The following ASB13 variants were observed in gnomAD, a reference collection of about 807,000 sequenced individuals.
ASB13 encodes the protein ankyrin repeat and SOCS box protein 13.
In ASB13, 33 loss-of-function variants were observed where a neutral mutation model predicts 28.8. That is an observed-to-expected ratio of 1.15 (90% CI 0.87 to 1.53). The LOEUF (loss-of-function observed/expected upper bound fraction) is 1.53, where lower values mean the gene tolerates loss of function less well. ASB13 is among the 40% of genes most tolerant of loss of function. ASB13 has a pLI of 0.00. For missense variants in ASB13, 414 were observed against 390.1 expected (o/e 1.06, Z -0.52); for synonymous variants, 182 against 172.9 (o/e 1.05, Z -0.41).
chr10:5,666,063 G>A (rs1341831119), intron 1 of ASB13, among the ~76,000 whole-genome samples: 1 of 152,162 alleles, frequency 6.6e-6, no homozygotes, highest in East Asian at 1.9e-4. Context: ...CTCGGACACT[G>A]CGCCACGGCC....
intron 1 of ASB13, among the ~76,000 whole-genome samples, chr10:5,662,474 G>A (rs892269331): frequency 6.9e-6 from 1 of 145,812 alleles, no homozygotes; most frequent in Non-Finnish European, 1.5e-5. Context: ...AGACTGCAGT[G>A]AGCTGAGATC....
chr10:5,647,964 TAAACACCCACTCAGGC>T (rs781358340), intron 4 of ASB13, among the ~76,000 whole-genome samples: 1,053 of 101,490 alleles, frequency 0.01, 5 homozygotes, highest in African/African-American at 0.019. Context: ...ACTCTGCAGG[TAAACACCCACTCAGGC>T]AAACACCCAC....
rs892895018 is a variant in ASB13 at position 5,644,990 on chromosome 10, C to A, written c.518-3029G>T. 6.6e-6 allele frequency among the ~76,000 whole-genome samples: 1 copy of A among 151,970 alleles called. No homozygotes were observed. The highest frequency in any genetic ancestry group is 2.4e-5 in the African/African-American group (1 of 41,356). The stretch of plus-strand genomic sequence containing the variant: ...ACAGAGACACAGAGACAGAGAGAGA[C>A]AAAGACAGGGAGCCAGGAAACAAGC... On this transcript the variant is annotated intron_variant, in intron 4 of 5. Coordinates refer to ENST00000357700, the MANE Select transcript of ASB13 (RefSeq NM_024701.4). The surrounding 1 kb of genome is among the most constrained non-coding windows in gnomAD (Gnocchi z 5.1).
rs543273073 is a variant in ASB13 at position 5,656,904 on chromosome 10, C to G, written c.44-3854G>C. ...ATTAAGAACCCGAAACCTGTACTGA[C>G]TTAGACGGCACTTTAGACACTTATC... On this transcript the variant is annotated intron_variant, in intron 1 of 5. Coordinates refer to ENST00000357700, the MANE Select transcript of ASB13 (RefSeq NM_024701.4). This position sits in a 1 kb window ranked among gnomAD's most constrained non-coding sequence, Gnocchi z 4.3. Among the ~76,000 whole-genome samples, 1 of 152,336 alleles carries G rather than the reference C, an allele frequency of 6.6e-6. No individual in the cohort carries two copies. Among genetic ancestry groups the G allele is most frequent in the African/African-American group, 2.4e-5 (1 of 41,580 alleles).
At chr10:5,657,144 A>G (rs1835086690) in intron 1 of ASB13, among the ~76,000 whole-genome samples, 1 of 152,332 alleles carries the variant, frequency 6.6e-6, no homozygotes, top group Non-Finnish European at 1.5e-5. Flanking sequence ...CTGTAGTCTT[A>G]CTGCAGCAAT....
rs978447462 is a variant in ASB13 at position 5,642,834 on chromosome 10, G to A, written c.518-873C>T. 1.3e-5 allele frequency among the ~76,000 whole-genome samples: 2 copies of A among 151,998 alleles called. No homozygotes were observed. The highest frequency in any genetic ancestry group is 4.8e-5 in the African/African-American group (2 of 41,406). On this transcript the variant is annotated intron_variant, in intron 4 of 5. Coordinates refer to ENST00000357700, the MANE Select transcript of ASB13 (RefSeq NM_024701.4). The surrounding 1 kb of genome is among the most constrained non-coding windows in gnomAD (Gnocchi z 4.1). Reference sequence around the variant, plus strand: ...TAATTTTTCTATTTTTTGTAGAGACGGGGTTTTGCCGTGTTGGCCAGGTTG... The same window carrying A: ...TAATTTTTCTATTTTTTGTAGAGACAGGGTTTTGCCGTGTTGGCCAGGTTG...
In ASB13 at chr10:5,641,706, C is replaced by T. The variant is rs1459284709; in HGVS notation, c.709+64G>A. On this transcript the variant is annotated intron_variant, in intron 5 of 5. Transcript: ENST00000357700. The surrounding 1 kb of genome is among the most constrained non-coding windows in gnomAD (Gnocchi z 8.4). Reference sequence around the variant, plus strand: ...CTCTCCGCGGAAGCCCACAGGGAGCCGGCACGTCAGGGGTCCAGGCTGAAG... The same window carrying T: ...CTCTCCGCGGAAGCCCACAGGGAGCTGGCACGTCAGGGGTCCAGGCTGAAG... The T allele has an allele frequency of 1.5e-5, 22 of 1,488,956 alleles. No individual in the cohort carries two copies. The highest frequency in any genetic ancestry group is 5.6e-5 in the African/African-American group (4 of 71,896). 92.2% of individuals were successfully genotyped at this position (1,488,956 alleles called of 1,614,324 possible).
intron 1 of ASB13, among the ~76,000 whole-genome samples, chr10:5,665,321 ACAT>A (rs1835241857): frequency 6.6e-6 from 1 of 152,246 alleles, no homozygotes; most frequent in South Asian, 2.1e-4. Flanking sequence ...GGAATAAAAA[ACAT>A]CAGCAGAACT....
Position 5,659,176 on chromosome 10 carries a change from C to T in ASB13, c.44-6126G>A, listed in dbSNP as rs561242789. 6.6e-6 allele frequency among the ~76,000 whole-genome samples: 1 copy of T among 151,940 alleles called. No individual in the cohort carries two copies. Among genetic ancestry groups the T allele is most frequent in the South Asian group, 2.1e-4 (1 of 4,828 alleles). The stretch of plus-strand genomic sequence containing the variant: ...CCAGGCTCCCTGTGGTGGCAAGACG[C>T]CCCCCCTCCCCAATCCCTGCACCCT... On this transcript the variant is annotated intron_variant, in intron 1 of 5. Coordinates refer to ENST00000357700, the MANE Select transcript of ASB13 (RefSeq NM_024701.4). This position sits in a 1 kb window ranked among gnomAD's most constrained non-coding sequence, Gnocchi z 5.8.
chr10:5,655,263 A>G lies in ASB13; in HGVS notation c.44-2213T>C, dbSNP rs571530339. On this transcript the variant is annotated intron_variant, in intron 1 of 5. Coordinates refer to ENST00000357700, the MANE Select transcript of ASB13 (RefSeq NM_024701.4). The surrounding 1 kb of genome is among the most constrained non-coding windows in gnomAD (Gnocchi z 6.2). ...GGGTTAAGAGTTCCCTGGAGCCACA[A>G]CTGCTCAGAACTGCTTGGTGGAAAC... 8.5e-4 allele frequency among the ~76,000 whole-genome samples: 129 copies of G among 152,264 alleles called. 1 individual carries two copies. Among genetic ancestry groups the G allele is most frequent in the African/African-American group, 3.0e-3 (124 of 41,542 alleles).
At position 5,644,303 on chromosome 10, in the gene ASB13, G is replaced by A. The variant is rs1051274859; in HGVS notation, c.518-2342C>T. Among the ~76,000 whole-genome samples, 3 of 152,160 alleles carry A rather than the reference G, an allele frequency of 2.0e-5. No homozygotes were observed. The highest frequency in any genetic ancestry group is 4.4e-5 in the Non-Finnish European group (3 of 68,046). On this transcript the variant is annotated intron_variant, in intron 4 of 5. Transcript: ENST00000357700. The surrounding 1 kb of genome is among the most constrained non-coding windows in gnomAD (Gnocchi z 5.1). ...GGGCCCAGGAAATCGAGACCAGCCT[G>A]CGCAACATAGTGAGACCCTAGCTCT...
At chr10:5,647,251 G>GC (rs1262634202) in intron 4 of ASB13, among the ~76,000 whole-genome samples, 2 of 152,158 alleles carry the variant, frequency 1.3e-5, no homozygotes, top group African/African-American at 4.8e-5. Flanking sequence ...GAGCCACAGT[G>GC]CCCAGCCATC....
At position 5,650,946 on chromosome 10, in the gene ASB13, G is replaced by A. The variant is rs1351275342; in HGVS notation, c.382+267C>T. Among the ~76,000 whole-genome samples the A allele has an allele frequency of 6.6e-6, 1 of 152,192 alleles. No individual in the cohort carries two copies. Among genetic ancestry groups the A allele is most frequent in the Non-Finnish European group, 1.5e-5 (1 of 68,022 alleles). Reference sequence around the variant, plus strand: ...GCAGAGTCCCCCAGGCCCTGCTAACGTGGAGAGGCCCAGGGAACCCTGGCT... The same window carrying A: ...GCAGAGTCCCCCAGGCCCTGCTAACATGGAGAGGCCCAGGGAACCCTGGCT... On this transcript the variant is annotated intron_variant, in intron 3 of 5. Coordinates refer to ENST00000357700, the MANE Select transcript of ASB13 (RefSeq NM_024701.4). The surrounding 1 kb of genome is among the most constrained non-coding windows in gnomAD (Gnocchi z 6.0).
Position 5,661,848 on chromosome 10 carries a change from A to C in ASB13, c.43+4661T>G, listed in dbSNP as rs1835171677. ...GAGTCAGAAATTTTGTTCCGAGTAA[A>C]TCACCAAGGGGAGTCTGGGGTCCTG... On this transcript the variant is annotated intron_variant, in intron 1 of 5. Coordinates refer to ENST00000357700, the MANE Select transcript of ASB13 (RefSeq NM_024701.4). The surrounding 1 kb of genome is among the most constrained non-coding windows in gnomAD (Gnocchi z 4.9). 6.6e-6 allele frequency among the ~76,000 whole-genome samples: 1 copy of C among 152,142 alleles called. No individual in the cohort carries two copies. Among genetic ancestry groups the C allele is most frequent in the Non-Finnish European group, 1.5e-5 (1 of 68,032 alleles).
rs540447884 is a variant in ASB13 at position 5,659,390 on chromosome 10, T to C, written c.44-6340A>G. On this transcript the variant is annotated intron_variant, in intron 1 of 5. Coordinates refer to ENST00000357700, the MANE Select transcript of ASB13 (RefSeq NM_024701.4). The surrounding 1 kb of genome is among the most constrained non-coding windows in gnomAD (Gnocchi z 5.8). The stretch of plus-strand genomic sequence containing the variant: ...CTCACAAGGGCTCCCTCCTCCAGGG[T>C]GGAACCCAGGCAAGGAACAAGGTCC... 1.3e-5 allele frequency among the ~76,000 whole-genome samples: 2 copies of C among 152,170 alleles called. No individual in the cohort carries two copies. Among genetic ancestry groups the C allele is most frequent in the African/African-American group, 2.4e-5 (1 of 41,498 alleles).
In ASB13 at chr10:5,655,289, T is replaced by A. The variant is rs372396019; in HGVS notation, c.44-2239A>T. 2.0e-5 allele frequency among the ~76,000 whole-genome samples: 3 copies of A among 152,300 alleles called. No individual in the cohort carries two copies. Among genetic ancestry groups the A allele is most frequent in the South Asian group, 4.1e-4 (2 of 4,820 alleles). On this transcript the variant is annotated intron_variant, in intron 1 of 5. Transcript: ENST00000357700. The surrounding 1 kb of genome is among the most constrained non-coding windows in gnomAD (Gnocchi z 6.2). Reference sequence around the variant, plus strand: ...CTGCTCAGAACTGCTTGGTGGAAACTCAGCTCAGCCTTTTATCAGCTTACC... The same window carrying A: ...CTGCTCAGAACTGCTTGGTGGAAACACAGCTCAGCCTTTTATCAGCTTACC...
rs1185710064 is a variant in ASB13, at chr10:5,660,888, G to A, written c.43+5621C>T. On this transcript the variant is annotated intron_variant, in intron 1 of 5. Transcript: ENST00000357700. This position sits in a 1 kb window ranked among gnomAD's most constrained non-coding sequence, Gnocchi z 6.1. ...CCCTCCATCGCTCCCTGCCTTGCAA[G>A]CCACCCAGCAGTGTGCCGGGCCATC... 2.0e-5 allele frequency among the ~76,000 whole-genome samples: 3 copies of A among 152,140 alleles called. No homozygotes were observed. Among genetic ancestry groups the A allele is most frequent in the African/African-American group, 7.2e-5 (3 of 41,416 alleles).
In ASB13 at chr10:5,663,862, A is replaced by C. The variant is rs1835212149; in HGVS notation, c.43+2647T>G. ...CCCTTTAGAAATGCCCTGGACTGCTACCCTAGTGGATTCTCCCTCTCCCCG... is the reference window on the plus strand; with the variant it reads ...CCCTTTAGAAATGCCCTGGACTGCTCCCCTAGTGGATTCTCCCTCTCCCCG... On this transcript the variant is annotated intron_variant, in intron 1 of 5. Transcript: ENST00000357700. The surrounding 1 kb of genome is among the most constrained non-coding windows in gnomAD (Gnocchi z 4.9). 6.6e-6 allele frequency among the ~76,000 whole-genome samples: 1 copy of C among 152,056 alleles called. No homozygotes were observed. The highest frequency in any genetic ancestry group is 2.1e-4 in the South Asian group (1 of 4,814).
At position 5,656,517 on chromosome 10, in the gene ASB13, C is replaced by G. The variant is rs918958178; in HGVS notation, c.44-3467G>C. On this transcript the variant is annotated intron_variant, in intron 1 of 5. Transcript: ENST00000357700. The surrounding 1 kb of genome is among the most constrained non-coding windows in gnomAD (Gnocchi z 4.3). ...TCGCACCATTGCATTCCAGCCTGGG[C>G]AACCGAGCAAGACTCCGTCTCAAGA... Among the ~76,000 whole-genome samples, 4 of 147,134 alleles carry G rather than the reference C, an allele frequency of 2.7e-5. No individual in the cohort carries two copies. Among genetic ancestry groups the G allele is most frequent in the Non-Finnish European group, 5.9e-5 (4 of 67,400 alleles).
Sources: gnomAD v4.1 joint callset for allele counts (sites outside exome capture counted in the v4.1 genomes callset) on GRCh38, gnomAD v4.1.1 for gene constraint, Gnocchi (gnomAD v3.1) non-coding constraint, MANE v1.5 for transcripts, NCBI Gene and HGNC (gene_info 2026-07-23, HGNC 2026-07-21) for gene names.